The following ADCY2 variants were observed in gnomAD, a reference collection of about 807,000 sequenced individuals.
ADCY2 encodes adenylate cyclase 2.
Under a neutral mutation model 125.2 loss-of-function variants are expected in ADCY2, and 31 were observed. The observed-to-expected ratio is 0.25, with a 90% CI of 0.19 to 0.33. ADCY2 has a LOEUF of 0.33. Among genes scored for constraint, ADCY2 ranks in the 10% least tolerant of loss-of-function variants. The pLI is 1.00. For missense variants in ADCY2, 904 were observed against 1,418.2 expected (o/e 0.64, Z 5.82); for synonymous variants, 512 against 548.4 (o/e 0.93, Z 0.93).
chr5:7,630,357 G>T (rs188608655), intron 4 of ADCY2, among the ~76,000 whole-genome samples: 19 of 152,298 alleles, frequency 1.2e-4, no homozygotes, highest in Admixed American at 1.1e-3. Flanking sequence ...GTTTTGCAAG[G>T]TGAAGAGTTT....
At chr5:7,525,132 C>T (rs952424183) in intron 3 of ADCY2, among the ~76,000 whole-genome samples, 1 of 152,040 alleles carries the variant, frequency 6.6e-6, no homozygotes, top group African/African-American at 2.4e-5. Context: ...CCTCCCAAGT[C>T]GCTGGGACTA....
chr5:7,549,954 G>A (rs1405254719), intron 3 of ADCY2, among the ~76,000 whole-genome samples: 1 of 152,004 alleles, frequency 6.6e-6, no homozygotes, highest in African/African-American at 2.4e-5. Flanking sequence ...TTCCCTCTTT[G>A]GAATTCAGAA....
intron 2 of ADCY2, among the ~76,000 whole-genome samples, chr5:7,429,448 A>G (rs1175731913): frequency 6.6e-6 from 1 of 152,364 alleles, no homozygotes; most frequent in African/African-American, 2.4e-5. Flanking sequence ...CGTCCCAACA[A>G]TGAAGAGTGT....
intron 13 of ADCY2, among the ~76,000 whole-genome samples, chr5:7,725,077 T>A (rs967342515): frequency 3.9e-5 from 6 of 152,216 alleles, no homozygotes; most frequent in African/African-American, 1.4e-4. Context: ...TCCTTAATAC[T>A]TTCATATTAT....
chr5:7,397,754 G>C (rs1046505098), intron 1 of ADCY2, among the ~76,000 whole-genome samples: 1 of 152,090 alleles, frequency 6.6e-6, no homozygotes, highest in African/African-American at 2.4e-5. Flanking sequence ...TACTGATTGA[G>C]TTCAATGAGG....
intron 7 of ADCY2, among the ~76,000 whole-genome samples, chr5:7,703,520 A>G (rs1332701920): frequency 2.6e-5 from 4 of 152,150 alleles, no homozygotes. Flanking sequence ...GGTTTGTCAA[A>G]GATCAGATGG....
At chr5:7,743,083 C>T (rs1454608833) in intron 14 of ADCY2, among the ~76,000 whole-genome samples, 2 of 152,094 alleles carry the variant, frequency 1.3e-5, no homozygotes, top group Non-Finnish European at 2.9e-5. Flanking sequence ...ACTCAGTAGG[C>T]ATGTTTTTCA....
chr5:7,434,737 G>C (rs1395492750), intron 2 of ADCY2, among the ~76,000 whole-genome samples: 1 of 152,220 alleles, frequency 6.6e-6, no homozygotes, highest in Non-Finnish European at 1.5e-5. Context: ...GTTTCACAGA[G>C]AGGAAAAGGG....
At chr5:7,720,057 T>TA (rs150174909) in intron 12 of ADCY2, among the ~76,000 whole-genome samples, 2,006 of 152,178 alleles carry the variant, frequency 0.013, 36 homozygotes, top group African/African-American at 0.046. Flanking sequence ...GGGAATCACT[T>TA]ATTGTGATAA....
chr5:7,468,056 G>A (rs973417239), intron 2 of ADCY2, among the ~76,000 whole-genome samples: 22 of 152,180 alleles, frequency 1.4e-4, no homozygotes, highest in African/African-American at 4.6e-4. Context: ...CGTGATCTGT[G>A]TGTGGTATTG....
intron 20 of ADCY2, chr5:7,799,507 C>T (rs1744527786): frequency 6.6e-6 from 1 of 150,702 alleles, no homozygotes; most frequent in African/African-American, 2.5e-5. Flanking sequence ...CCCTCAGAGC[C>T]TCAGAGCTTC....
At chr5:7,481,076 T>C (rs1742712070) in intron 2 of ADCY2, among the ~76,000 whole-genome samples, 2 of 152,126 alleles carry the variant, frequency 1.3e-5, no homozygotes, top group South Asian at 4.1e-4. Context: ...TCCATAGTGG[T>C]TGGACTAATT....
rs186971720 is a variant in ADCY2 at position 7,507,117 on chromosome 5, G to A, written c.409-13621G>A. The stretch of plus-strand genomic sequence containing the variant: ...GCGGGAGGGCTTGTGTTCTTCCAGT[G>A]CACATCGAAAGGGAGCCAGGGAGAG... On this transcript the variant is annotated intron_variant, in intron 2 of 24. Coordinates refer to ENST00000338316, the MANE Select transcript of ADCY2 (RefSeq NM_020546.3). Among the ~76,000 whole-genome samples the A allele has an allele frequency of 7.0e-3, 1,065 of 151,634 alleles. 17 individuals are homozygous for A. The highest frequency in any genetic ancestry group is 0.024 in the African/African-American group (1,000 of 41,292).
chr5:7,745,598 C>T (rs1742573173), intron 15 of ADCY2, among the ~76,000 whole-genome samples: 1 of 152,114 alleles, frequency 6.6e-6, no homozygotes, highest in African/African-American at 2.4e-5. Flanking sequence ...TCTATGTTCC[C>T]GGAATCATCC....
At chr5:7,769,389 T>A (rs1743491254) in intron 17 of ADCY2, among the ~76,000 whole-genome samples, 1 of 152,162 alleles carries the variant, frequency 6.6e-6, no homozygotes, top group Admixed American at 6.5e-5. Flanking sequence ...CATAATAAAT[T>A]ATTCATTGAA....
At chr5:7,653,901 G>A (rs1739190248) in intron 4 of ADCY2, 1 of 280,742 alleles carries the variant, frequency 3.6e-6, no homozygotes, top group Non-Finnish European at 7.3e-6. Context: ...ACTCCTGGGG[G>A]AGGAGTCAGT....
intron 20 of ADCY2, chr5:7,801,737 A>G (rs1744601990): frequency 6.4e-6 from 1 of 155,098 alleles, no homozygotes; most frequent in Admixed American, 6.3e-5. Context: ...GAGGAGCTCT[A>G]TTGGTTCTTT....
At chr5:7,799,599 G>A (rs1392423038) in intron 20 of ADCY2, 1 of 152,304 alleles carries the variant, frequency 6.6e-6, no homozygotes, top group Non-Finnish European at 1.5e-5. Flanking sequence ...TGCAGAGAAT[G>A]CAGGGATTGG....
At chr5:7,678,332 G>A (rs137895688) in intron 4 of ADCY2, among the ~76,000 whole-genome samples, 6 of 152,234 alleles carry the variant, frequency 3.9e-5, no homozygotes, top group South Asian at 2.1e-4. Context: ...TAACATGAGC[G>A]CTTGGACTTG....
Sources: gnomAD v4.1 joint callset for allele counts (sites outside exome capture counted in the v4.1 genomes callset) on GRCh38, gnomAD v4.1.1 for gene constraint, MANE v1.5 for transcripts, NCBI Gene and HGNC (gene_info 2026-07-23, HGNC 2026-07-21) for gene names.